The following DRC8 variants were observed in gnomAD, a reference collection of about 807,000 sequenced individuals.
DRC8 encodes the protein dynein regulatory complex protein 8.
At chr1:245,093,718 A>AAAAAG in the DRC8 span, among the ~76,000 whole-genome samples, 1 of 151,640 alleles carries the variant, frequency 6.6e-6, no homozygotes, top group African/African-American at 2.4e-5. Flanking sequence ...AAAAAGAAAG[A>AAAAAG]AAAAGAAAAG....
At chr1:245,020,689 A>C in the DRC8 span, among the ~76,000 whole-genome samples, 4 of 144,312 alleles carry the variant, frequency 2.8e-5, no homozygotes, top group East Asian at 8.1e-4. Flanking sequence ...GTGCAATCTC[A>C]GCTCACTGCA....
the DRC8 span, chr1:245,121,772 A>G: frequency 1.7e-5 from 6 of 348,510 alleles, no homozygotes; most frequent in Non-Finnish European, 3.2e-5. Flanking sequence ...GAGGCAAAGC[A>G]TCAACCCCTC....
the DRC8 span, among the ~76,000 whole-genome samples, chr1:244,982,912 T>C: frequency 2.8e-3 from 422 of 150,506 alleles, 1 homozygote; most frequent in South Asian, 6.3e-3. Context: ...AAAATAAAAA[T>C]ACAAAAAATT....
At chr1:245,059,310 CT>C in the DRC8 span, 2 of 990,280 alleles carry the variant, frequency 2.0e-6, no homozygotes, top group Admixed American at 3.9e-5. Context: ...ACAAAATATG[CT>C]CTGAGATAAT....
the DRC8 span, among the ~76,000 whole-genome samples, chr1:244,999,776 A>G: frequency 6.6e-6 from 1 of 152,134 alleles, no homozygotes; most frequent in Non-Finnish European, 1.5e-5. Context: ...GGTTTTTCCT[A>G]TACATACATA....
At chr1:245,038,585 T>G in the DRC8 span, among the ~76,000 whole-genome samples, 1 of 152,188 alleles carries the variant, frequency 6.6e-6, no homozygotes, top group Non-Finnish European at 1.5e-5. Context: ...ATCCAGAAAT[T>G]GTTCCAAGTG....
chr1:245,081,231 G>A, the DRC8 span, among the ~76,000 whole-genome samples: 8 of 150,808 alleles, frequency 5.3e-5, no homozygotes, highest in Non-Finnish European at 2.9e-5. Flanking sequence ...GCCTGATCTC[G>A]GCTCACTGCA....
the DRC8 span, among the ~76,000 whole-genome samples, chr1:245,016,893 A>G: frequency 1.3e-5 from 2 of 152,130 alleles, no homozygotes; most frequent in Non-Finnish European, 2.9e-5. Flanking sequence ...CTACGACTCT[A>G]CCCAAAGGAC....
At chr1:245,014,689 G>A in the DRC8 span, among the ~76,000 whole-genome samples, 7 of 152,100 alleles carry the variant, frequency 4.6e-5, no homozygotes, top group Non-Finnish European at 1.0e-4. Context: ...GGGGAGAAGA[G>A]CAGGATTGTT....
At chr1:245,017,158 A>G in the DRC8 span, 6 of 1,287,712 alleles carry the variant, frequency 4.7e-6, no homozygotes, top group East Asian at 4.9e-5. Context: ...CTTACTTATT[A>G]AGATTGCTAG....
chr1:244,992,098 C>T, the DRC8 span, among the ~76,000 whole-genome samples: 7 of 152,154 alleles, frequency 4.6e-5, no homozygotes, highest in African/African-American at 9.6e-5. Context: ...TGTGATTGCA[C>T]GCTGTTTTTA....
chr1:245,104,419 A>G, the DRC8 span, among the ~76,000 whole-genome samples: 4 of 151,778 alleles, frequency 2.6e-5, no homozygotes, highest in East Asian at 7.8e-4. Flanking sequence ...CAGGAGAATC[A>G]CTTGAACCTG....
the DRC8 span, among the ~76,000 whole-genome samples, chr1:245,090,843 T>G: frequency 6.6e-6 from 1 of 152,192 alleles, no homozygotes; most frequent in African/African-American, 2.4e-5. Context: ...GTCTCCTTTG[T>G]ACTCTTAGAA....
the DRC8 span, among the ~76,000 whole-genome samples, chr1:244,998,282 C>T: frequency 6.6e-6 from 1 of 152,240 alleles, no homozygotes; most frequent in East Asian, 1.9e-4. Flanking sequence ...GATCACAGCT[C>T]ACTGCAGCCT....
the DRC8 span, among the ~76,000 whole-genome samples, chr1:244,983,792 A>G: frequency 6.6e-6 from 1 of 151,406 alleles, no homozygotes; most frequent in African/African-American, 2.4e-5. Context: ...CTTTTGCACC[A>G]ACTTAACCTA....
chr1:245,032,214 G>T, the DRC8 span, among the ~76,000 whole-genome samples: 2 of 152,194 alleles, frequency 1.3e-5, no homozygotes, highest in African/African-American at 4.8e-5. Context: ...GAGAAGATTT[G>T]CTTATAGTAG....
chr1:244,971,806 TAAC>T, the DRC8 span, among the ~76,000 whole-genome samples: 1 of 152,170 alleles, frequency 6.6e-6, no homozygotes, highest in African/African-American at 2.4e-5. Flanking sequence ...TCTCTATTGA[TAAC>T]AAGGATACCG....
At chr1:245,113,507 G>A in the DRC8 span, among the ~76,000 whole-genome samples, 4 of 152,172 alleles carry the variant, frequency 2.6e-5, no homozygotes, top group Non-Finnish European at 4.4e-5. Flanking sequence ...AGTTGAAGAC[G>A]TGGTTATTGT....
chr1:244,970,654 CCGCCTCTCTCCCCCGCCCCGCCCCGCCT>C, the DRC8 span: 2 of 62,070 alleles, frequency 3.2e-5, no homozygotes, highest in African/African-American at 5.1e-5. Flanking sequence ...CCGCCCCGCC[CCGCCTCTCTCCCCCGCCCCGCCCCGCCT>C]CTCTCCCCTC....
Sources: gnomAD v4.1 joint callset for allele counts (sites outside exome capture counted in the v4.1 genomes callset) on GRCh38, gnomAD v4.1.1 for gene constraint, MANE v1.5 for transcripts, NCBI Gene and HGNC (gene_info 2026-07-23, HGNC 2026-07-21) for gene names.